ITGB4: variants seen among roughly 807,000 people sequenced by gnomAD.
ITGB4 encodes the protein integrin beta-4.
A neutral mutation model predicts 207.6 loss-of-function variants in ITGB4; 159 were observed. The ratio of observed to expected loss-of-function variants is 0.77; its 90% confidence interval spans 0.67 to 0.87. ITGB4 has a LOEUF of 0.87. ITGB4 is among the 40% of genes least tolerant of loss of function. The pLI, the probability that ITGB4 is intolerant of heterozygous loss-of-function variation, is 0.00. For missense variants in ITGB4, 2,278 were observed against 2,546.8 expected, an observed-to-expected ratio of 0.89 and a Z score of 2.27; for synonymous variants, 1,020 against 1,062.7, an observed-to-expected ratio of 0.96 and a Z score of 0.78.
In ITGB4 at chr17:75,728,389, GC is replaced by G; in HGVS notation, c.484del (p.Gln162SerfsTer24). On this transcript the variant is annotated frameshift_variant, in exon 6 of 40. Coordinates refer to ENST00000200181, the MANE Select transcript of ITGB4 (RefSeq NM_000213.5). LOFTEE classifies it high-confidence loss of function. ...KMGQNLARVL[S>X]QLTSDYTIGF... ...TTTTGACATCCAGCTCGGGTCCTGAGCCAGCTCACCAGCGACTACACTATTG... is the reference window on the plus strand; with the variant it reads ...TTTTGACATCCAGCTCGGGTCCTGAGCAGCTCACCAGCGACTACACTATTG... 6.2e-7 allele frequency: 1 copy of G among 1,614,116 alleles called. No homozygotes were observed. The highest frequency in any genetic ancestry group is 8.5e-7 in the Non-Finnish European group (1 of 1,179,972).
intron 2 of ITGB4, among the ~76,000 whole-genome samples, chr17:75,726,777 A>C (rs1337935697): frequency 6.6e-6 from 1 of 151,490 alleles, no homozygotes; most frequent in Non-Finnish European, 1.5e-5. Context: ...ACAACAAACC[A>C]AAATAAATAC....
intron 23 of ITGB4, 137 bp downstream of exon 23, chr17:75,741,142 C>T (rs1269580673): frequency 1.0e-6 from 1 of 961,998 alleles, no homozygotes; most frequent in Non-Finnish European, 1.6e-6. Flanking sequence ...AGGTTCGGAC[C>T]TTCATTCGTT....
chr17:75,741,754 C>T (rs141984255), intron 23 of ITGB4, among the ~76,000 whole-genome samples: 93 of 151,252 alleles, frequency 6.1e-4, no homozygotes, highest in African/African-American at 1.8e-3. Context: ...TGCAGTGAGC[C>T]GAGATTGCGC....
rs971731700 is a variant in ITGB4 at position 75,748,807 on chromosome 17, C to T, written c.3112-34C>T. 22 of 1,538,570 alleles carry T rather than the reference C, an allele frequency of 1.4e-5. No homozygotes were observed. In the Admixed American group the frequency reaches 2.4e-4, roughly 17 times the overall value. On this transcript the variant is annotated intron_variant, in intron 26 of 39. Coordinates refer to ENST00000200181, the MANE Select transcript of ITGB4 (RefSeq NM_000213.5). ...CCATGACTCTTGCCTCAGCCCCCAG[C>T]CATGACCCTGACCCTGACCCCCTCC...
At chr17:75,752,101 C>A in intron 30 of ITGB4, 73 bp from the exon 31 acceptor site, 2 of 1,513,566 alleles carry the variant, frequency 1.3e-6, no homozygotes, top group Non-Finnish European at 1.8e-6. Flanking sequence ...CACGGCCGTC[C>A]TGCTGTGTCA....
intron 5 of ITGB4, among the ~76,000 whole-genome samples, 176 bp downstream of exon 5, chr17:75,728,031 C>G (rs992318119): frequency 6.6e-6 from 1 of 152,202 alleles, no homozygotes; most frequent in Non-Finnish European, 1.5e-5. Context: ...ACCCTACTCA[C>G]CACTGGGGAC....
At chr17:75,725,193 CT>C (rs2060693878) in intron 2 of ITGB4, among the ~76,000 whole-genome samples, 1 of 152,228 alleles carries the variant, frequency 6.6e-6, no homozygotes, top group Non-Finnish European at 1.5e-5. Context: ...TGAATTTTGT[CT>C]GTTAGAGGGG....
chr17:75,747,272 A>G (rs954193913), intron 26 of ITGB4, among the ~76,000 whole-genome samples: 2 of 152,098 alleles, frequency 1.3e-5, no homozygotes, highest in African/African-American at 4.8e-5. Flanking sequence ...TGAAGTCAGG[A>G]GTTTGACACC....
At position 75,739,788 on chromosome 17, in the gene ITGB4, C is replaced by A; in HGVS notation, c.2254+83C>A. 1 of 1,609,382 alleles carries A rather than the reference C, an allele frequency of 6.2e-7. No homozygotes were observed. On this transcript the variant is annotated intron_variant, in intron 19 of 39. Transcript: ENST00000200181. The surrounding 1 kb of genome is among the most constrained non-coding windows in gnomAD (Gnocchi z 5.4). ...GGGTGGAGGGAAGCTGAACCTGGAACGGCAGAGGCTGGAGGCTCTGGGGTC... is the reference window on the plus strand; with the variant it reads ...GGGTGGAGGGAAGCTGAACCTGGAAAGGCAGAGGCTGGAGGCTCTGGGGTC...
At chr17:75,754,997 C>G in intron 34 of ITGB4, 182 bp downstream of exon 34, 1 of 1,558,306 alleles carries the variant, frequency 6.4e-7, no homozygotes, top group Non-Finnish European at 8.7e-7. Flanking sequence ...CATGCGCACA[C>G]GTACACACAT....
rs1420362788 is a variant in ITGB4, at chr17:75,728,471, GAAGT to G, written c.566+3_566+6del. ...TCCCGCAGACGGACATGAGGCCTGA[GAAGT>G]AAGTGACTGTGTGGGTCCCGCAGGT... On this transcript the variant is annotated splice_donor_variant and coding_sequence_variant, in exon 6 of 40. Transcript: ENST00000200181. LOFTEE classifies it high-confidence loss of function. The G allele has an allele frequency of 6.2e-7, 1 of 1,613,444 alleles. No individual in the cohort carries two copies. Among genetic ancestry groups the G allele is most frequent in the South Asian group, 1.1e-5 (1 of 91,080 alleles).
At chr17:75,754,913 C>T (rs1414159063) in intron 34 of ITGB4, 98 bp downstream of exon 34, 4 of 1,572,246 alleles carry the variant, frequency 2.5e-6, no homozygotes, top group Non-Finnish European at 3.5e-6. Context: ...ACCGCCCATT[C>T]TCCAACATAC....
Position 75,754,822 on chromosome 17 carries a change from G to T in ITGB4, c.4558+7G>T. The T allele has an allele frequency of 6.2e-7, 1 of 1,613,956 alleles. No homozygotes were observed. The highest frequency in any genetic ancestry group is 1.1e-5 in the South Asian group (1 of 91,074). Reference sequence around the variant, plus strand: ...ACCTCCGTCTCCTCCCACGGTGAGTGACCTCAGCCAACCCTGCCTCTCCCA... The same window carrying T: ...ACCTCCGTCTCCTCCCACGGTGAGTTACCTCAGCCAACCCTGCCTCTCCCA... On this transcript the variant is annotated splice_region_variant and intron_variant, in intron 34 of 39. Transcript: ENST00000200181.
Position 75,752,248 on chromosome 17 carries a change from G to T in ITGB4, c.3868G>T (p.Glu1290Ter). Residue 1290 changes from glutamate to a stop codon, truncating the protein, a stop_gained, in exon 31 of 40, where the codon GAG becomes TAG. Transcript: ENST00000200181. LOFTEE classifies it high-confidence loss of function. ...GATGCTGCTTATTGAGAACCTTCGG[G>T]AGTCCCAGCCCTACCGCTACACGGT... ...NRMLLIENLR[E>*]SQPYRYTVKA... 1 of 1,613,686 alleles carries T rather than the reference G, an allele frequency of 6.2e-7. No homozygotes were observed. The highest frequency in any genetic ancestry group is 8.5e-7 in the Non-Finnish European group (1 of 1,180,032).
At position 75,742,547 on chromosome 17, in the gene ITGB4, G is replaced by A; in HGVS notation, c.2783-35G>A. On this transcript the variant is annotated intron_variant, in intron 24 of 39. Transcript: ENST00000200181. The surrounding 1 kb of genome is among the most constrained non-coding windows in gnomAD (Gnocchi z 5.9). ...GCACCTCCCGCCTGTGTGGCCCTGT[G>A]ACCCACCTCTGACCACCTCCGAACC... 6.2e-7 allele frequency: 1 copy of A among 1,613,582 alleles called. No individual in the cohort carries two copies. Among genetic ancestry groups the A allele is most frequent in the Non-Finnish European group, 8.5e-7 (1 of 1,179,942 alleles).
In ITGB4 at chr17:75,748,966, C is replaced by T. The variant is rs2061299888; in HGVS notation, c.3237C>T (p.Phe1079=). The change falls in exon 27 of 40, where the codon TTC becomes TTT. Residue 1079 remains phenylalanine, a synonymous_variant. Coordinates refer to ENST00000200181, the MANE Select transcript of ITGB4 (RefSeq NM_000213.5). The part of the protein sequence containing the change: ...SLLRGRQVRR[F]HVQLSNPKFG... ...TGCGGGGCCGCCAGGTCCGCCGTTT[C>T]CACGTCCAGCTCAGCAACCCTAAGT... 6.2e-7 allele frequency: 1 copy of T among 1,613,480 alleles called. No homozygotes were observed. Among genetic ancestry groups the T allele is most frequent in the South Asian group, 1.1e-5 (1 of 91,050 alleles).
Position 75,742,551 on chromosome 17 carries a change from C to T in ITGB4, c.2783-31C>T. 3.7e-6 allele frequency: 6 copies of T among 1,613,640 alleles called. No individual in the cohort carries two copies. The highest frequency in any genetic ancestry group is 5.1e-6 in the Non-Finnish European group (6 of 1,179,952). Reference sequence around the variant, plus strand: ...CTCCCGCCTGTGTGGCCCTGTGACCCACCTCTGACCACCTCCGAACCCCCA... The same window carrying T: ...CTCCCGCCTGTGTGGCCCTGTGACCTACCTCTGACCACCTCCGAACCCCCA... On this transcript the variant is annotated intron_variant, in intron 24 of 39. Coordinates refer to ENST00000200181, the MANE Select transcript of ITGB4 (RefSeq NM_000213.5). This position sits in a 1 kb window ranked among gnomAD's most constrained non-coding sequence, Gnocchi z 5.9.
rs1344464068 is a variant in ITGB4, at chr17:75,727,969, T to G, written c.469+114T>G. 1.1e-6 allele frequency: 1 copy of G among 950,030 alleles called. No homozygotes were observed. The highest frequency in any genetic ancestry group is 1.6e-5 in the African/African-American group (1 of 61,348). The allele number at this position is 950,030 out of a possible 1,614,324, so 58.9% of individuals were successfully genotyped here. ...CCACCCAGAAGGAAACACTGGACAT[T>G]TGAGCCCCCAAAAACCTTCCCTTCC... On this transcript the variant is annotated intron_variant, in intron 5 of 39. Transcript: ENST00000200181. This position sits in a 1 kb window ranked among gnomAD's most constrained non-coding sequence, Gnocchi z 6.0.
chr17:75,754,049 T>G, intron 33 of ITGB4, 75 bp downstream of exon 33: 1 of 684,436 alleles, frequency 1.5e-6, no homozygotes, highest in Non-Finnish European at 2.1e-6. Context: ...GGGGTGGGCG[T>G]CTGCGCTGCC....
Sources: allele counts gnomAD v4.1 joint callset (sites outside exome capture counted in the v4.1 genomes callset), GRCh38; gene constraint gnomAD v4.1.1; non-coding constraint Gnocchi (gnomAD v3.1); transcripts MANE v1.5; gene names NCBI Gene and HGNC (gene_info 2026-07-23, HGNC 2026-07-21).